The following VPS54 variants were observed in gnomAD, a reference collection of about 807,000 sequenced individuals.
The protein encoded by VPS54 is vacuolar protein sorting-associated protein 54.
A neutral mutation model predicts 121.5 loss-of-function variants in VPS54; 45 were observed. The ratio of observed to expected loss-of-function variants is 0.37; its 90% confidence interval spans 0.29 to 0.47. VPS54 has a LOEUF of 0.47. Ranked by LOEUF, VPS54 falls within the 20% of genes least tolerant of loss-of-function variation. The pLI, the probability that VPS54 is intolerant of heterozygous loss-of-function variation, is 0.99. For synonymous variants in VPS54, 371 were observed against 385.8 expected (o/e 0.96, Z 0.45); for missense variants, 1,090 against 1,131.4 (o/e 0.96, Z 0.52).
intron 1 of VPS54, among the ~76,000 whole-genome samples, chr2:63,992,752 C>G (rs938857082): frequency 2.6e-5 from 4 of 152,230 alleles, no homozygotes; most frequent in African/African-American, 7.2e-5. Flanking sequence ...CCTATAGGAG[C>G]CTTCCAACTC....
At chr2:63,955,311 A>AT (rs1357708007) in intron 7 of VPS54, among the ~76,000 whole-genome samples, 2 of 151,998 alleles carry the variant, frequency 1.3e-5, no homozygotes, top group Non-Finnish European at 2.9e-5. Context: ...TAGACCTAAT[A>AT]TTGCTTGGCT....
chr2:63,957,441 CAAAAA>C (rs10551633), intron 7 of VPS54, among the ~76,000 whole-genome samples: 1 of 90,120 alleles, frequency 1.1e-5, no homozygotes. Flanking sequence ...GACTCCATCT[CAAAAA>C]AAAAAAAAAA....
intron 1 of VPS54, among the ~76,000 whole-genome samples, chr2:63,992,496 C>T (rs564740927): frequency 4.5e-4 from 69 of 152,354 alleles, no homozygotes; most frequent in African/African-American, 1.6e-3. Flanking sequence ...TTTTTAATGG[C>T]GGCCACTGCC....
chr2:63,999,806 T>C (rs1245038281), intron 1 of VPS54, among the ~76,000 whole-genome samples: 2 of 152,054 alleles, frequency 1.3e-5, no homozygotes, highest in African/African-American at 4.8e-5. Flanking sequence ...TCTCTGATTG[T>C]GTATTTTCAA....
chr2:63,992,152 C>T (rs1382136400), intron 1 of VPS54, among the ~76,000 whole-genome samples: 4 of 150,984 alleles, frequency 2.6e-5, no homozygotes. Flanking sequence ...GACTCAATTG[C>T]TCAATTGCTT....
At chr2:63,898,317 T>C (rs1672528482) in intron 21 of VPS54, among the ~76,000 whole-genome samples, 2 of 152,132 alleles carry the variant, frequency 1.3e-5, no homozygotes, top group Admixed American at 6.6e-5. Context: ...TGGAGGATCT[T>C]ACATGTGGAA....
At chr2:64,006,076 CTGCT>C (rs1678140665) in intron 1 of VPS54, among the ~76,000 whole-genome samples, 2 of 152,176 alleles carry the variant, frequency 1.3e-5, no homozygotes, top group South Asian at 4.1e-4. Context: ...GATTATTTAC[CTGCT>C]TGTTTCCTAT....
At chr2:63,996,530 G>A (rs2104659916) in intron 1 of VPS54, among the ~76,000 whole-genome samples, 1 of 152,264 alleles carries the variant, frequency 6.6e-6, no homozygotes, top group Admixed American at 6.5e-5. Flanking sequence ...AGGGAACAAG[G>A]GAGATAACCA....
chr2:63,924,923 G>C (rs924140944), intron 12 of VPS54, among the ~76,000 whole-genome samples: 12 of 152,306 alleles, frequency 7.9e-5, no homozygotes, highest in African/African-American at 2.9e-4. Context: ...TAGATGGATT[G>C]TAGGTCTTAA....
intron 1 of VPS54, among the ~76,000 whole-genome samples, chr2:64,012,797 C>T (rs1678490756): frequency 1.3e-5 from 2 of 152,102 alleles, no homozygotes; most frequent in South Asian, 4.1e-4. Flanking sequence ...ATTGGCAAAC[C>T]TCCGTTCTCT....
chr2:64,005,395 G>A (rs748951200), intron 1 of VPS54, among the ~76,000 whole-genome samples: 5 of 152,082 alleles, frequency 3.3e-5, no homozygotes, highest in African/African-American at 4.8e-5. Context: ...GAGCCACCGC[G>A]CCCAGCCTAC....
chr2:63,999,076 A>G (rs577919551), intron 1 of VPS54, among the ~76,000 whole-genome samples: 16 of 152,008 alleles, frequency 1.1e-4, no homozygotes, highest in African/African-American at 2.4e-4. Flanking sequence ...CCTCCTGAGT[A>G]GCTGGGATTA....
At chr2:63,962,520 A>T in intron 6 of VPS54, 77 bp from the exon 7 acceptor site, 1 of 1,454,746 alleles carries the variant, frequency 6.9e-7, no homozygotes, top group East Asian at 2.3e-5. Flanking sequence ...TATGACAATG[A>T]TAAAAGATTT....
In VPS54 at chr2:63,946,671, C is replaced by G. The variant is rs75214822; in HGVS notation, c.1245+712G>C. ...TTTCATATATTAAAAAACTGAAGTT[C>G]AGTGGATAAGATTTATCTGACTAAA... On this transcript the variant is annotated intron_variant, in intron 9 of 22. Transcript: ENST00000272322. Among the ~76,000 whole-genome samples the G allele has an allele frequency of 6.3e-3, 960 of 151,864 alleles. 8 individuals carry two copies. The highest frequency in any genetic ancestry group is 0.023 in the African/African-American group (937 of 41,452).
chr2:63,895,184 A>G (rs1264603352), intron 22 of VPS54, among the ~76,000 whole-genome samples: 1 of 152,164 alleles, frequency 6.6e-6, no homozygotes, highest in Non-Finnish European at 1.5e-5. Context: ...GGCCGGGTGC[A>G]GTGGCTCATA....
intron 1 of VPS54, among the ~76,000 whole-genome samples, chr2:63,989,277 T>C (rs1479939010): frequency 6.6e-6 from 1 of 152,166 alleles, no homozygotes; most frequent in Non-Finnish European, 1.5e-5. Flanking sequence ...ATTTGCCTTG[T>C]GATATTTTGT....
chr2:63,996,172 G>A (rs1468634890), intron 1 of VPS54, among the ~76,000 whole-genome samples: 5 of 152,208 alleles, frequency 3.3e-5, no homozygotes, highest in Admixed American at 6.5e-5. Context: ...GGGACCGGCT[G>A]AAGCCATGGC....
intron 1 of VPS54, among the ~76,000 whole-genome samples, chr2:63,986,463 G>C (rs1343011478): frequency 6.6e-6 from 1 of 152,188 alleles, no homozygotes; most frequent in Non-Finnish European, 1.5e-5. Context: ...TGGCTGAATA[G>C]TTCTCTATTG....
chr2:64,003,427 ACT>A (rs972071416), intron 1 of VPS54, among the ~76,000 whole-genome samples: 1 of 151,782 alleles, frequency 6.6e-6, no homozygotes, highest in Non-Finnish European at 1.5e-5. Context: ...ACACTTAGTC[ACT>A]CTATGTATTT....
Sources: allele counts gnomAD v4.1 joint callset (sites outside exome capture counted in the v4.1 genomes callset), GRCh38; gene constraint gnomAD v4.1.1; transcripts MANE v1.5; gene names NCBI Gene and HGNC (gene_info 2026-07-23, HGNC 2026-07-21).